The following BIN1 variants were observed in gnomAD, a reference collection of about 807,000 sequenced individuals.
BIN1 encodes the protein myc box-dependent-interacting protein 1.
BIN1 carries 53 observed loss-of-function variants against 82.0 expected under a neutral mutation model. That is an observed-to-expected ratio of 0.65 (90% CI 0.52 to 0.81). The LOEUF (loss-of-function observed/expected upper bound fraction) is 0.81, where lower values mean the gene tolerates loss of function less well. Ranked by LOEUF, BIN1 falls within the 40% of genes least tolerant of loss-of-function variation. The pLI, the probability that BIN1 is intolerant of heterozygous loss-of-function variation, is 0.00. For synonymous variants in BIN1, 302 were observed against 328.0 expected, an observed-to-expected ratio of 0.92 and a Z score of 0.86; for missense variants, 642 against 784.4, an observed-to-expected ratio of 0.82 and a Z score of 2.17.
chr2:127,053,305 G>A (rs915054371), intron 14 of BIN1, 117 bp downstream of exon 14: 46 of 1,428,002 alleles, frequency 3.2e-5, no homozygotes, highest in African/African-American at 4.2e-5. Context: ...TGTGTCCTGC[G>A]TGTGGGGGGT....
intron 10 of BIN1, 97 bp downstream of exon 10, chr2:127,062,018 C>A (rs1573599291): frequency 7.0e-7 from 1 of 1,437,286 alleles, no homozygotes; most frequent in Non-Finnish European, 9.5e-7. Context: ...AGGCCAAACC[C>A]ATGGGGGACC....
intron 1 of BIN1, among the ~76,000 whole-genome samples, chr2:127,086,806 A>T (rs1295408382): frequency 6.6e-6 from 1 of 150,986 alleles, no homozygotes; most frequent in Non-Finnish European, 1.5e-5. Context: ...GCGTCCAGAC[A>T]GTGATCCGTC....
intron 1 of BIN1, among the ~76,000 whole-genome samples, chr2:127,084,409 G>A (rs1470390642): frequency 1.3e-5 from 2 of 152,244 alleles, no homozygotes; most frequent in East Asian, 3.8e-4. Context: ...AGTGCGACCA[G>A]TGGGAGGTTT....
intron 2 of BIN1, among the ~76,000 whole-genome samples, chr2:127,074,235 T>C (rs72846688): frequency 0.16 from 23,576 of 151,924 alleles, 1,928 homozygotes; most frequent in South Asian, 0.25. Flanking sequence ...CCTCCTGAAT[T>C]CACTCCCCCA....
At chr2:127,051,106 G>T (rs770983720) in intron 16 of BIN1, 48 bp downstream of exon 16, 2 of 1,606,744 alleles carry the variant, frequency 1.2e-6, no homozygotes, top group Admixed American at 1.7e-5. Flanking sequence ...CGGACAGGCA[G>T]GCGGGCGGCA....
At chr2:127,104,621 A>G (rs1056604832) in intron 1 of BIN1, among the ~76,000 whole-genome samples, 6 of 152,304 alleles carry the variant, frequency 3.9e-5, no homozygotes, top group Non-Finnish European at 5.9e-5. Flanking sequence ...AAGGCAAGGT[A>G]GGTATAGTGG....
At position 127,090,068 on chromosome 2, in the gene BIN1, A is replaced by T. The variant is rs564075198; in HGVS notation, c.85-13362T>A. Among the ~76,000 whole-genome samples the T allele has an allele frequency of 1.3e-5, 2 of 151,286 alleles. No individual in the cohort carries two copies. The highest frequency in any genetic ancestry group is 1.3e-4 in the Admixed American group (2 of 15,212). ...CCTGCGGCTCACAGTCCACTGCAGC[A>T]TGGCCAGTTCCTTGGAACAGCATAT... On this transcript the variant is annotated intron_variant, in intron 1 of 18. Coordinates refer to ENST00000316724, the MANE Select transcript of BIN1 (RefSeq NM_139343.3). The surrounding 1 kb of genome is among the most constrained non-coding windows in gnomAD (Gnocchi z 6.4).
intron 14 of BIN1, 88 bp from the exon 15 acceptor site, chr2:127,052,450 A>G: frequency 7.8e-7 from 1 of 1,277,992 alleles, no homozygotes; most frequent in South Asian, 1.3e-5. Flanking sequence ...ACAAGAGAAA[A>G]TGTCACCAGC....
intron 17 of BIN1, 41 bp downstream of exon 17, chr2:127,050,761 G>C (rs748813574): frequency 1.3e-6 from 2 of 1,597,176 alleles, no homozygotes; most frequent in South Asian, 2.2e-5. Context: ...CTGCCCACCA[G>C]GGCACCGAGG....
intron 2 of BIN1, among the ~76,000 whole-genome samples, chr2:127,075,470 G>A (rs1233306945): frequency 1.3e-5 from 2 of 152,204 alleles, no homozygotes; most frequent in Non-Finnish European, 2.9e-5. Context: ...GAATTGCCCA[G>A]AGCCACAGAG....
rs752845587 is a variant in BIN1 at position 127,053,492 on chromosome 2, G to A, written c.1240-47C>T. The A allele has an allele frequency of 7.5e-6, 12 of 1,608,270 alleles. No individual in the cohort carries two copies. The East Asian group carries it at 2.2e-4, about 30-fold the overall frequency. On this transcript the variant is annotated intron_variant, in intron 13 of 18. Coordinates refer to ENST00000316724, the MANE Select transcript of BIN1 (RefSeq NM_139343.3). Reference sequence around the variant, plus strand: ...AGAAGGACAGTTAGCACAGAGGTTAGAGACAGGGCGGCAAGCAGTCCCCAG... The same window carrying A: ...AGAAGGACAGTTAGCACAGAGGTTAAAGACAGGGCGGCAAGCAGTCCCCAG...
In BIN1 at chr2:127,082,070, C is replaced by T. The variant is rs144925550; in HGVS notation, c.85-5364G>A. On this transcript the variant is annotated intron_variant, in intron 1 of 18. Transcript: ENST00000316724. The surrounding 1 kb of genome is among the most constrained non-coding windows in gnomAD (Gnocchi z 6.1). Reference sequence around the variant, plus strand: ...ACACCCGGCCAGGCTTTCTCTGGGCCCAGTCCCGAGGGAGACACCCCAAGA... The same window carrying T: ...ACACCCGGCCAGGCTTTCTCTGGGCTCAGTCCCGAGGGAGACACCCCAAGA... Among the ~76,000 whole-genome samples, 1 of 152,238 alleles carries T rather than the reference C, an allele frequency of 6.6e-6. No homozygotes were observed. The highest frequency in any genetic ancestry group is 2.4e-5 in the African/African-American group (1 of 41,532).
In BIN1 at chr2:127,059,009, A is replaced by G. The variant is rs1553458019; in HGVS notation, c.1002+2T>C. The G allele has an allele frequency of 6.4e-7, 1 of 1,557,194 alleles. No individual in the cohort carries two copies. The highest frequency in any genetic ancestry group is 1.7e-4 in the Middle Eastern group (1 of 5,926). ...GACCTGCTACCAAGACATCACTCCTACCTGAGATGGGGACTTGGGGAGGGT... is the reference window on the plus strand; with the variant it reads ...GACCTGCTACCAAGACATCACTCCTGCCTGAGATGGGGACTTGGGGAGGGT... On this transcript the variant is annotated splice_donor_variant, in intron 11 of 18. Coordinates refer to ENST00000316724, the MANE Select transcript of BIN1 (RefSeq NM_139343.3). LOFTEE classifies it high-confidence loss of function. The surrounding 1 kb of genome is among the most constrained non-coding windows in gnomAD (Gnocchi z 6.7).
At chr2:127,086,562 C>G (rs1461817272) in intron 1 of BIN1, among the ~76,000 whole-genome samples, 1 of 149,030 alleles carries the variant, frequency 6.7e-6, no homozygotes, top group African/African-American at 2.5e-5. Flanking sequence ...GGCTGGAGTG[C>G]AGTGGTGCAA....
At chr2:127,063,721 A>C in intron 8 of BIN1, 75 bp from the exon 9 acceptor site, 3 of 1,518,920 alleles carry the variant, frequency 2.0e-6, no homozygotes, top group Non-Finnish European at 2.7e-6. Flanking sequence ...CCCACCCACG[A>C]GCGACCACAC....
At chr2:127,066,416 C>A (rs139680790) in intron 7 of BIN1, among the ~76,000 whole-genome samples, 3 of 152,370 alleles carry the variant, frequency 2.0e-5, no homozygotes, top group African/African-American at 7.2e-5. Flanking sequence ...CCACACCTGT[C>A]CCAGGAGCCC....
intron 1 of BIN1, among the ~76,000 whole-genome samples, chr2:127,104,299 C>T (rs1680733964): frequency 6.6e-6 from 1 of 152,216 alleles, no homozygotes. Context: ...AGGGATCAGC[C>T]AGACCAGTGG....
intron 1 of BIN1, among the ~76,000 whole-genome samples, chr2:127,099,350 A>ATG (rs3033389): frequency 0.044 from 6,643 of 149,432 alleles, 429 homozygotes; most frequent in African/African-American, 0.14. Flanking sequence ...CCCAGGGTGC[A>ATG]TGTGTGTGTG....
Position 127,053,363 on chromosome 2 carries a change from G to T in BIN1, c.1263+59C>A, listed in dbSNP as rs1244053864. 3 of 1,605,136 alleles carry T rather than the reference G, an allele frequency of 1.9e-6. No homozygotes were observed. The African/African-American group carries it at 4.0e-5, about 21-fold the overall frequency. The stretch of plus-strand genomic sequence containing the variant: ...AACAGGCTAGGAGCATGTGGGCCTG[G>T]ACACATACGGAAGAGTGGCTCCCCC... On this transcript the variant is annotated intron_variant, in intron 14 of 18. Transcript: ENST00000316724.
Sources: gnomAD v4.1 joint callset for allele counts (sites outside exome capture counted in the v4.1 genomes callset) on GRCh38, gnomAD v4.1.1 for gene constraint, Gnocchi (gnomAD v3.1) non-coding constraint, MANE v1.5 for transcripts, NCBI Gene and HGNC (gene_info 2026-07-23, HGNC 2026-07-21) for gene names.